LURAP1L: variants seen among roughly 807,000 people sequenced by gnomAD.
LURAP1L encodes leucine rich adaptor protein 1-like.
In LURAP1L, 12 loss-of-function variants were observed where a neutral mutation model predicts 13.8. That is an observed-to-expected ratio of 0.87 (90% CI 0.56 to 1.41). The LOEUF (loss-of-function observed/expected upper bound fraction) is 1.41, where lower values mean the gene tolerates loss of function less well. LURAP1L is among the 40% of genes most tolerant of loss of function. The probability of loss-of-function intolerance (pLI) is 0.00; values close to 1 mark genes in which losing one functional copy is unlikely to be tolerated. For synonymous variants in LURAP1L, 139 were observed against 119.2 expected (o/e 1.17, Z -1.08); for missense variants, 375 against 292.9 (o/e 1.28, Z -2.04).
chr9:12,787,703 G>T (rs927060333), intron 1 of LURAP1L, among the ~76,000 whole-genome samples: 6 of 152,084 alleles, frequency 3.9e-5, no homozygotes. Flanking sequence ...CATTCCAGTT[G>T]TTCCTCAAAA....
chr9:12,807,607 G>T (rs1378909120), intron 1 of LURAP1L, among the ~76,000 whole-genome samples: 1 of 152,048 alleles, frequency 6.6e-6, no homozygotes, highest in Non-Finnish European at 1.5e-5. Context: ...TTATAATTGG[G>T]TCTTGTTTGT....
chr9:12,785,961 C>CT, intron 1 of LURAP1L, among the ~76,000 whole-genome samples: 1 of 152,162 alleles, frequency 6.6e-6, no homozygotes, highest in East Asian at 1.9e-4. Context: ...TCTCTCAGAT[C>CT]TTTTTTCATG....
At chr9:12,821,214 A>G (rs1043772772) in intron 1 of LURAP1L, among the ~76,000 whole-genome samples, 172 bp from the exon 2 acceptor site, 4 of 152,130 alleles carry the variant, frequency 2.6e-5, no homozygotes, top group Non-Finnish European at 5.9e-5. Flanking sequence ...TTTTTTTATT[A>G]TAACTCCTAC....
At chr9:12,800,608 C>T (rs1448168113) in intron 1 of LURAP1L, among the ~76,000 whole-genome samples, 1 of 151,710 alleles carries the variant, frequency 6.6e-6, no homozygotes, top group Admixed American at 6.6e-5. Context: ...AATTTCTGAG[C>T]AAGAATCATT....
intron 1 of LURAP1L, among the ~76,000 whole-genome samples, chr9:12,780,156 C>G (rs1480459703): frequency 6.6e-6 from 1 of 152,150 alleles, no homozygotes; most frequent in Non-Finnish European, 1.5e-5. Flanking sequence ...AGGTAACTCC[C>G]TAGAAAGAAC....
At chr9:12,782,221 G>C (rs549251946) in intron 1 of LURAP1L, among the ~76,000 whole-genome samples, 1 of 152,262 alleles carries the variant, frequency 6.6e-6, no homozygotes, top group African/African-American at 2.4e-5. Context: ...TCTCCACTTT[G>C]TTGGTTGTTT....
intron 1 of LURAP1L, among the ~76,000 whole-genome samples, chr9:12,778,152 C>G (rs776760764): frequency 6.6e-6 from 1 of 152,080 alleles, no homozygotes; most frequent in African/African-American, 2.4e-5. Context: ...GTGGAAGCTT[C>G]GTAAGCTTTG....
chr9:12,821,764 C>A lies in LURAP1L; in HGVS notation c.*4C>A. 6.2e-7 allele frequency: 1 copy of A among 1,606,194 alleles called. No individual in the cohort carries two copies. Among genetic ancestry groups the A allele is most frequent in the South Asian group, 1.1e-5 (1 of 90,942 alleles). ...TGAATACTACTGCTTTGGCTAGTGA[C>A]AGTTTTTTGCATGGGACTGGTGTGC... On this transcript the variant is annotated 3_prime_UTR_variant, in exon 2 of 2. Transcript: ENST00000319264.
chr9:12,817,827 A>G (rs1164319495), intron 1 of LURAP1L, among the ~76,000 whole-genome samples: 2 of 152,184 alleles, frequency 1.3e-5, no homozygotes, highest in Non-Finnish European at 2.9e-5. Flanking sequence ...AATTGCTCAT[A>G]CTTTCAAGGG....
At chr9:12,797,058 A>G (rs962883900) in intron 1 of LURAP1L, among the ~76,000 whole-genome samples, 32 of 152,022 alleles carry the variant, frequency 2.1e-4, no homozygotes, top group Non-Finnish European at 5.9e-5. Flanking sequence ...GAAAGTCAAC[A>G]TGGGTTAAAA....
intron 1 of LURAP1L, among the ~76,000 whole-genome samples, chr9:12,791,577 A>G (rs1819441269): frequency 6.6e-6 from 1 of 151,816 alleles, no homozygotes; most frequent in Admixed American, 6.6e-5. Context: ...AAGTTGCTAT[A>G]TATCCCTTAT....
chr9:12,816,605 G>GA (rs1204671175), intron 1 of LURAP1L, among the ~76,000 whole-genome samples: 2 of 151,952 alleles, frequency 1.3e-5, no homozygotes, highest in African/African-American at 4.8e-5. Flanking sequence ...CACTCTAGAA[G>GA]AAAAAAAGAT....
chr9:12,790,071 T>C (rs1489407087), intron 1 of LURAP1L, among the ~76,000 whole-genome samples: 1 of 152,196 alleles, frequency 6.6e-6, no homozygotes, highest in Non-Finnish European at 1.5e-5. Context: ...GTAAATTTTA[T>C]GCATTGACAA....
In LURAP1L at chr9:12,822,002, C is replaced by A. The variant is rs1009015426; in HGVS notation, c.*242C>A. ...GATTTTCTCCCTTCTTTTACAGTAG[C>A]ACAAACAAAGTAGGGGGAAAAGAAT... On this transcript the variant is annotated 3_prime_UTR_variant, in exon 2 of 2. Transcript: ENST00000319264. The A allele has an allele frequency of 2.4e-6, 1 of 412,160 alleles. No homozygotes were observed. Among genetic ancestry groups the A allele is most frequent in the Non-Finnish European group, 4.3e-6 (1 of 235,106 alleles). 25.5% of individuals were successfully genotyped at this position (412,160 alleles called of 1,614,324 possible).
At chr9:12,799,471 A>T (rs936772811) in intron 1 of LURAP1L, among the ~76,000 whole-genome samples, 3 of 152,244 alleles carry the variant, frequency 2.0e-5, no homozygotes, top group Non-Finnish European at 4.4e-5. Flanking sequence ...CTAAAACCAT[A>T]TATAAATAAT....
intron 1 of LURAP1L, among the ~76,000 whole-genome samples, chr9:12,784,469 G>C (rs901660211): frequency 6.6e-6 from 1 of 152,180 alleles, no homozygotes; most frequent in African/African-American, 2.4e-5. Flanking sequence ...CACTTTGGTG[G>C]TGTGGGGTAC....
intron 1 of LURAP1L, among the ~76,000 whole-genome samples, chr9:12,809,297 G>A (rs969973900): frequency 6.6e-6 from 1 of 152,124 alleles, no homozygotes; most frequent in Non-Finnish European, 1.5e-5. Context: ...ACAGTTCTTA[G>A]ATACTCTGTT....
chr9:12,788,098 C>T (rs576685741), intron 1 of LURAP1L, among the ~76,000 whole-genome samples: 2 of 118,158 alleles, frequency 1.7e-5, no homozygotes, highest in Admixed American at 1.0e-4. Context: ...GGTGACAGAG[C>T]GAAACAAAAA....
In LURAP1L at chr9:12,775,726, G is replaced by C; in HGVS notation, c.11G>C (p.Ser4Thr). 1 of 1,580,274 alleles carries C rather than the reference G, an allele frequency of 6.3e-7. No homozygotes were observed. The part of the protein sequence containing the change: MED[S>T]PLPDLRDIEL... ...CGTTCCGGAAAAGTCATGGAAGACA[G>C]CCCGCTGCCAGACCTCAGAGACATC... The change falls in exon 1 of 2, where the codon AGC becomes ACC. Residue 4 changes from serine (S) to threonine (T), a missense_variant. Coordinates refer to ENST00000319264, the MANE Select transcript of LURAP1L (RefSeq NM_203403.2).
Sources: gnomAD v4.1 joint callset for allele counts (sites outside exome capture counted in the v4.1 genomes callset) on GRCh38, gnomAD v4.1.1 for gene constraint, MANE v1.5 for transcripts, NCBI Gene and HGNC (gene_info 2026-07-23, HGNC 2026-07-21) for gene names.